The following FOXN3 variants were observed in gnomAD, a reference collection of about 807,000 sequenced individuals.
FOXN3 encodes the protein forkhead box protein N3.
FOXN3 carries 7 observed loss-of-function variants against 38.4 expected under a neutral mutation model. The observed-to-expected ratio is 0.18, with a 90% CI of 0.10 to 0.34. The LOEUF (loss-of-function observed/expected upper bound fraction) is 0.34. Ranked by LOEUF, FOXN3 falls within the 10% of genes least tolerant of loss-of-function variation. The probability of loss-of-function intolerance (pLI) is 1.00; values close to 1 mark genes in which losing one functional copy is unlikely to be tolerated. For missense variants in FOXN3, 456 were observed against 613.4 expected, an observed-to-expected ratio of 0.74 and a Z score of 2.71; for synonymous variants, 230 against 242.2, an observed-to-expected ratio of 0.95 and a Z score of 0.47.
At position 89,266,986 on chromosome 14, in the gene FOXN3, T is replaced by A. The variant is rs559672355; in HGVS notation, c.745+13964A>T. Among the ~76,000 whole-genome samples the A allele has an allele frequency of 4.6e-4, 70 of 152,118 alleles. No individual in the cohort carries two copies. The South Asian group carries it at 0.014, about 31-fold the overall frequency. Reference sequence around the variant, plus strand: ...ACAGACAGCACTTGAGCATGACACGTGTGTATGTAAAAGCAAAGGGGAAAA... The same window carrying A: ...ACAGACAGCACTTGAGCATGACACGAGTGTATGTAAAAGCAAAGGGGAAAA... On this transcript the variant is annotated intron_variant, in intron 4 of 5. Transcript: ENST00000557258.
intron 2 of FOXN3, among the ~76,000 whole-genome samples, chr14:89,390,156 G>A (rs1010639595): frequency 2.0e-5 from 3 of 150,894 alleles, no homozygotes; most frequent in Non-Finnish European, 4.4e-5. Context: ...AGCCTGGGAC[G>A]TTGAGGCTGC....
At chr14:89,591,242 G>A (rs1380464521) in intron 1 of FOXN3, among the ~76,000 whole-genome samples, 5 of 152,158 alleles carry the variant, frequency 3.3e-5, no homozygotes, top group African/African-American at 1.2e-4. Context: ...GCCACAGCTT[G>A]GAAGGGAGAA....
chr14:89,470,744 A>G (rs1893077227), intron 1 of FOXN3, among the ~76,000 whole-genome samples: 1 of 152,202 alleles, frequency 6.6e-6, no homozygotes, highest in Admixed American at 6.5e-5. Flanking sequence ...CCAGGCACAG[A>G]CACAGGCACT....
chr14:89,511,267 CTTT>C (rs1566681378), intron 1 of FOXN3, among the ~76,000 whole-genome samples: 1,330 of 50,530 alleles, frequency 0.026, 350 homozygotes, highest in African/African-American at 0.072. Flanking sequence ...TTCTTTCTTT[CTTT>C]CTTTCTTTCT....
intron 3 of FOXN3, chr14:89,291,268 C>G (rs1886863720): frequency 2.2e-6 from 1 of 445,762 alleles, no homozygotes; most frequent in South Asian, 1.8e-5. Context: ...GTTTGGACTT[C>G]TGAATCTTTT....
At chr14:89,609,631 G>A (rs926753994) in intron 1 of FOXN3, among the ~76,000 whole-genome samples, 2 of 152,060 alleles carry the variant, frequency 1.3e-5, no homozygotes, top group Admixed American at 1.3e-4. Context: ...TAGGACTTGA[G>A]TCTTAGGTTA....
intron 4 of FOXN3, among the ~76,000 whole-genome samples, chr14:89,258,214 C>T (rs1007183754): frequency 7.9e-5 from 12 of 152,064 alleles, no homozygotes; most frequent in African/African-American, 2.7e-4. Context: ...GCCAAGTGAC[C>T]CTCAGCCTCC....
At chr14:89,300,957 C>T (rs903816112) in intron 3 of FOXN3, among the ~76,000 whole-genome samples, 5 of 151,874 alleles carry the variant, frequency 3.3e-5, no homozygotes, top group Admixed American at 1.3e-4. Context: ...TCCCCATGCC[C>T]GGCTAATTTT....
intron 1 of FOXN3, among the ~76,000 whole-genome samples, chr14:89,455,553 C>G (rs568449979): frequency 6.6e-6 from 1 of 152,162 alleles, no homozygotes; most frequent in South Asian, 2.1e-4. Flanking sequence ...ACTGGAGTAA[C>G]GCCGAGGGCG....
At chr14:89,473,636 G>A (rs1476965150) in intron 1 of FOXN3, among the ~76,000 whole-genome samples, 1 of 152,050 alleles carries the variant, frequency 6.6e-6, no homozygotes, top group East Asian at 1.9e-4. Flanking sequence ...CCAAAATGCT[G>A]GGATTACAGG....
intron 3 of FOXN3, among the ~76,000 whole-genome samples, chr14:89,296,009 T>A (rs1057221793): frequency 6.6e-6 from 1 of 152,156 alleles, no homozygotes; most frequent in Admixed American, 6.5e-5. Context: ...CAAAAATATT[T>A]AAAAATTGAA....
chr14:89,456,291 C>T (rs900094478), intron 1 of FOXN3, among the ~76,000 whole-genome samples: 1 of 152,068 alleles, frequency 6.6e-6, no homozygotes, highest in African/African-American at 2.4e-5. Flanking sequence ...CCCCTACTCT[C>T]CTAATTTATG....
chr14:89,436,288 T>TCAAAA (rs1892274516), intron 1 of FOXN3, among the ~76,000 whole-genome samples: 1 of 50,190 alleles, frequency 2.0e-5, no homozygotes, highest in Non-Finnish European at 4.5e-5. Context: ...TGTTTATTCA[T>TCAAAA]TAAAAAAAAA....
chr14:89,195,542 C>T (rs548036877), intron 4 of FOXN3, among the ~76,000 whole-genome samples: 2 of 152,210 alleles, frequency 1.3e-5, no homozygotes, highest in South Asian at 4.2e-4. Flanking sequence ...TGGTGGACAG[C>T]GGGGGCTTCT....
chr14:89,284,361 C>T (rs1886551485), intron 3 of FOXN3: 5 of 419,442 alleles, frequency 1.2e-5, no homozygotes, highest in South Asian at 6.9e-5. Flanking sequence ...GGTGAAAGGA[C>T]TTGCCCAAGA....
At chr14:89,609,874 C>T (rs952414819) in intron 1 of FOXN3, among the ~76,000 whole-genome samples, 5 of 151,966 alleles carry the variant, frequency 3.3e-5, no homozygotes, top group African/African-American at 1.2e-4. Context: ...AAATTAGATA[C>T]ATGTGATGTA....
chr14:89,570,507 C>T (rs958073196), intron 1 of FOXN3, among the ~76,000 whole-genome samples: 4 of 151,272 alleles, frequency 2.6e-5, no homozygotes, highest in African/African-American at 9.8e-5. Context: ...GATGAAAAAA[C>T]GGGAAAATGA....
chr14:89,460,357 C>T (rs1053402244), intron 1 of FOXN3, among the ~76,000 whole-genome samples: 4 of 152,228 alleles, frequency 2.6e-5, no homozygotes, highest in Non-Finnish European at 2.9e-5. Flanking sequence ...AATCGCTCTC[C>T]GCTCCAGAAA....
intron 1 of FOXN3, among the ~76,000 whole-genome samples, chr14:89,422,705 G>C (rs1270296359): frequency 6.6e-6 from 1 of 152,178 alleles, no homozygotes; most frequent in African/African-American, 2.4e-5. Context: ...TCTGGTCACC[G>C]TCTCTTGGGA....
Sources: gnomAD v4.1 joint callset for allele counts (sites outside exome capture counted in the v4.1 genomes callset) on GRCh38, gnomAD v4.1.1 for gene constraint, MANE v1.5 for transcripts, NCBI Gene and HGNC (gene_info 2026-07-23, HGNC 2026-07-21) for gene names.